Variants in NHS observed in about 807,000 individuals in gnomAD.
The protein encoded by NHS is NHS actin remodeling regulator, also known as actin remodeling regulator NHS.
Under a neutral mutation model 72.5 loss-of-function variants are expected in NHS, and 5 were observed. The ratio of observed to expected loss-of-function variants is 0.07; its 90% confidence interval spans 0.04 to 0.14. The LOEUF is 0.14. Among genes scored for constraint, NHS ranks in the 10% least tolerant of loss-of-function variants. NHS has a pLI of 1.00. For missense variants in NHS, 1,072 were observed against 1,355.7 expected (o/e 0.79, Z 3.29); for synonymous variants, 464 against 547.7 (o/e 0.85, Z 2.13).
chrX:17,604,251 C>A (rs1002579291), intron 1 of NHS, among the ~76,000 whole-genome samples: 1 of 109,898 alleles, frequency 9.1e-6, no homozygotes, highest in Non-Finnish European at 1.9e-5. Context: ...CACACACACA[C>A]ACACACACAC....
chrX:17,732,259 A>C lies in NHS; in HGVS notation c.4751A>C (p.Asn1584Thr). The change falls in exon 9 of 9, where the codon AAT becomes ACT. Residue 1584 changes from asparagine (N) to threonine (T), a missense_variant. Transcript: ENST00000676302. Reference sequence around the variant, plus strand: ...CTCTCTCCATGCTCCCCACGAGTTAATGCAGAAGGCTTTTCCTCGAAGAGC... The same window carrying C: ...CTCTCTCCATGCTCCCCACGAGTTACTGCAGAAGGCTTTTCCTCGAAGAGC... ...SPLSPCSPRV[N>T]AEGFSSKSFA... The C allele has an allele frequency of 8.2e-7, 1 of 1,212,191 alleles. No individual in the cohort carries two copies. The highest frequency in any genetic ancestry group is 1.1e-6 in the Non-Finnish European group (1 of 895,602).
chrX:17,419,439 G>A (rs754639998), intron 1 of NHS, among the ~76,000 whole-genome samples: 3 of 111,795 alleles, frequency 2.7e-5, no homozygotes, highest in Non-Finnish European at 5.6e-5. Flanking sequence ...ATTGAAGTGA[G>A]AACAAAAATG....
At chrX:17,554,661 A>G (rs2065357787) in intron 1 of NHS, among the ~76,000 whole-genome samples, 1 of 111,650 alleles carries the variant, frequency 9.0e-6, no homozygotes, top group Non-Finnish European at 1.9e-5. Flanking sequence ...GGTTGGCCCA[A>G]CAGGACCATT....
intron 3 of NHS, 44 bp from the exon 4 acceptor site, chrX:17,719,300 T>C: frequency 9.0e-7 from 1 of 1,108,526 alleles, no homozygotes; most frequent in Non-Finnish European, 1.2e-6. Context: ...CTGTGTTGTG[T>C]GCACGTTTTT....
chrX:17,451,313 T>C (rs1174823351), intron 1 of NHS, among the ~76,000 whole-genome samples: 1 of 111,879 alleles, frequency 8.9e-6, no homozygotes, highest in African/African-American at 3.3e-5. Flanking sequence ...TGTTCTAGCA[T>C]AGTCATGGGT....
At chrX:17,567,503 T>C (rs1204308325) in intron 1 of NHS, among the ~76,000 whole-genome samples, 1 of 111,733 alleles carries the variant, frequency 8.9e-6, no homozygotes, top group Non-Finnish European at 1.9e-5. Context: ...GAATGATCTA[T>C]AGCTTCAAAG....
chrX:17,491,820 T>C (rs1245554213), intron 1 of NHS, among the ~76,000 whole-genome samples: 1 of 107,033 alleles, frequency 9.3e-6, no homozygotes, highest in African/African-American at 3.4e-5. Context: ...CTTGTTATTG[T>C]TCTATTCAGG....
intron 1 of NHS, among the ~76,000 whole-genome samples, chrX:17,634,219 C>T (rs1256006381): frequency 8.9e-6 from 1 of 112,291 alleles, no homozygotes; most frequent in Non-Finnish European, 1.9e-5. Flanking sequence ...TGTCTTAATG[C>T]ATCCCAGAGC....
intron 3 of NHS, among the ~76,000 whole-genome samples, chrX:17,706,829 C>G (rs1204782842): frequency 9.0e-6 from 1 of 111,665 alleles, no homozygotes; most frequent in African/African-American, 3.3e-5. Context: ...ATGTTCAGCT[C>G]ATTGGTTCTC....
chrX:17,682,991 TAGTTTTC>T (rs2066138703), intron 1 of NHS, among the ~76,000 whole-genome samples: 1 of 111,544 alleles, frequency 9.0e-6, no homozygotes, highest in African/African-American at 3.3e-5. Flanking sequence ...TGGCAGCCAC[TAGTTTTC>T]CTTAATGTCT....
intron 1 of NHS, among the ~76,000 whole-genome samples, chrX:17,466,677 AC>A (rs903053465): frequency 1.3e-4 from 14 of 111,612 alleles, no homozygotes; most frequent in African/African-American, 4.2e-4. Flanking sequence ...CTAACGCCAG[AC>A]CCCTAGCATC....
At chrX:17,457,061 A>G (rs756567205) in intron 1 of NHS, among the ~76,000 whole-genome samples, 1 of 112,307 alleles carries the variant, frequency 8.9e-6, no homozygotes, top group East Asian at 2.8e-4. Context: ...TAATGCAAAC[A>G]AAAATTAACA....
chrX:17,417,024 C>T (rs2146863176), intron 1 of NHS, among the ~76,000 whole-genome samples: 1 of 109,528 alleles, frequency 9.1e-6, no homozygotes, highest in East Asian at 2.9e-4. Flanking sequence ...ACAAACACTT[C>T]AATATTGTTA....
intron 1 of NHS, among the ~76,000 whole-genome samples, chrX:17,575,437 G>A (rs968997013): frequency 1.8e-5 from 2 of 112,150 alleles, no homozygotes; most frequent in African/African-American, 6.5e-5. Flanking sequence ...CTGCCTCAGA[G>A]CATTCATACC....
chrX:17,652,877 T>G (rs773788057), intron 1 of NHS, among the ~76,000 whole-genome samples: 9 of 111,653 alleles, frequency 8.1e-5, no homozygotes, highest in Non-Finnish European at 1.7e-4. Flanking sequence ...ATGTATCAAT[T>G]AAAATAATAA....
chrX:17,501,355 GA>G (rs35562306), intron 1 of NHS, among the ~76,000 whole-genome samples: 25 of 98,227 alleles, frequency 2.5e-4, no homozygotes, highest in African/African-American at 4.5e-4. Context: ...CCTATCTCAA[GA>G]AAAAAAAAAA....
chrX:17,393,255 T>C (rs2064454311), intron 1 of NHS, among the ~76,000 whole-genome samples: 1 of 112,008 alleles, frequency 8.9e-6, no homozygotes, highest in Non-Finnish European at 1.9e-5. Flanking sequence ...ACAATGACTG[T>C]TCTTATTCCT....
At chrX:17,601,938 C>G (rs2065651787) in intron 1 of NHS, among the ~76,000 whole-genome samples, 1 of 111,791 alleles carries the variant, frequency 8.9e-6, no homozygotes, top group Non-Finnish European at 1.9e-5. Context: ...AAGCTCAGAT[C>G]AAGTTCCCAA....
intron 1 of NHS, among the ~76,000 whole-genome samples, chrX:17,577,891 G>C (rs2065520351): frequency 9.0e-6 from 1 of 111,330 alleles, no homozygotes; most frequent in Non-Finnish European, 1.9e-5. Flanking sequence ...GTTTTGGCAG[G>C]GTGGTTAAAT....
Sources: gnomAD v4.1 joint callset for allele counts (sites outside exome capture counted in the v4.1 genomes callset) on GRCh38, gnomAD v4.1.1 for gene constraint, MANE v1.5 for transcripts, NCBI Gene and HGNC (gene_info 2026-07-23, HGNC 2026-07-21) for gene names.